ADGRG7: variants seen among roughly 807,000 people sequenced by gnomAD.
The protein encoded by ADGRG7 is adhesion G protein-coupled receptor G7.
In ADGRG7, 82 loss-of-function variants were observed where a neutral mutation model predicts 88.6. That is an observed-to-expected ratio of 0.93 (90% CI 0.77 to 1.11). ADGRG7 has a LOEUF of 1.11. ADGRG7 is among the 50% of genes most tolerant of loss of function. The probability of loss-of-function intolerance (pLI) is 0.00; values close to 1 mark genes in which losing one functional copy is unlikely to be tolerated. For missense variants in ADGRG7, 945 were observed against 953.4 expected (o/e 0.99, Z 0.12); for synonymous variants, 381 against 345.2 (o/e 1.10, Z -1.15).
intron 5 of ADGRG7, among the ~76,000 whole-genome samples, chr3:100,636,791 A>G (rs1707550360): frequency 6.6e-6 from 1 of 152,226 alleles, no homozygotes; most frequent in Non-Finnish European, 1.5e-5. Context: ...AACACTCCCA[A>G]AGAGGGAAGA....
chr3:100,689,705 C>T (rs2094989781), intron 15 of ADGRG7, among the ~76,000 whole-genome samples: 2 of 152,222 alleles, frequency 1.3e-5, no homozygotes, highest in Non-Finnish European at 2.9e-5. Context: ...TATTGGCCCC[C>T]ACTCTCTTCT....
At chr3:100,619,527 A>C (rs1707277276) in intron 1 of ADGRG7, among the ~76,000 whole-genome samples, 1 of 152,038 alleles carries the variant, frequency 6.6e-6, no homozygotes, top group African/African-American at 2.4e-5. Flanking sequence ...CACATTCAAA[A>C]GCTAGCAGAA....
chr3:100,673,483 A>G (rs1229556839), intron 15 of ADGRG7, among the ~76,000 whole-genome samples: 1 of 120,748 alleles, frequency 8.3e-6, no homozygotes, highest in African/African-American at 3.1e-5. Flanking sequence ...TTTTTTTTTG[A>G]CAGAGTCTCG....
intron 1 of ADGRG7, among the ~76,000 whole-genome samples, chr3:100,625,648 G>C (rs989990991): frequency 6.6e-6 from 1 of 152,142 alleles, no homozygotes; most frequent in Admixed American, 6.5e-5. Context: ...CATTCAGTAC[G>C]ATATTGGCTG....
At chr3:100,661,637 G>A (rs1361060833) in intron 14 of ADGRG7, among the ~76,000 whole-genome samples, 1 of 152,150 alleles carries the variant, frequency 6.6e-6, no homozygotes, top group Non-Finnish European at 1.5e-5. Flanking sequence ...ATGGAAATCA[G>A]TGGGAACTGC....
chr3:100,629,553 G>T (rs776018376), intron 1 of ADGRG7, 45 bp from the exon 2 acceptor site: 5 of 1,364,420 alleles, frequency 3.7e-6, no homozygotes, highest in South Asian at 1.2e-5. Flanking sequence ...AAGGAGAAAT[G>T]AATCAGCCAG....
intron 1 of ADGRG7, among the ~76,000 whole-genome samples, chr3:100,623,411 T>C (rs2149014244): frequency 6.6e-6 from 1 of 152,336 alleles, no homozygotes; most frequent in East Asian, 1.9e-4. Flanking sequence ...CCTTTTGTTC[T>C]ACTTCATTGA....
chr3:100,665,927 T>C (rs867629382), intron 14 of ADGRG7, among the ~76,000 whole-genome samples: 13 of 152,310 alleles, frequency 8.5e-5, no homozygotes, highest in South Asian at 8.3e-4. Context: ...AGTAGCTACA[T>C]AACAAATTGC....
chr3:100,687,541 G>A (rs2094984886), intron 15 of ADGRG7, among the ~76,000 whole-genome samples: 1 of 152,032 alleles, frequency 6.6e-6, no homozygotes, highest in Non-Finnish European at 1.5e-5. Context: ...ATTATTTTGA[G>A]ATACATCCCA....
chr3:100,687,968 G>A (rs574063880), intron 15 of ADGRG7, among the ~76,000 whole-genome samples: 10 of 152,170 alleles, frequency 6.6e-5, no homozygotes, highest in Non-Finnish European at 1.2e-4. Context: ...GCTCCTCCTT[G>A]TACCTCTGGT....
At chr3:100,647,977 T>G (rs1312661760) in intron 10 of ADGRG7, among the ~76,000 whole-genome samples, 1 of 152,202 alleles carries the variant, frequency 6.6e-6, no homozygotes, top group African/African-American at 2.4e-5. Flanking sequence ...TTTCTCATTT[T>G]AATTATAAAA....
chr3:100,653,970 A>G (rs1035582607), intron 11 of ADGRG7, among the ~76,000 whole-genome samples: 3 of 152,118 alleles, frequency 2.0e-5, no homozygotes, highest in African/African-American at 7.2e-5. Context: ...GGTGAAAAGG[A>G]CAGGGTTAAT....
chr3:100,682,044 T>C (rs2094974128), intron 15 of ADGRG7, among the ~76,000 whole-genome samples: 1 of 152,190 alleles, frequency 6.6e-6, no homozygotes, highest in Non-Finnish European at 1.5e-5. Context: ...GCAGCCCATC[T>C]GAAGTGGCCG....
chr3:100,670,982 T>G (rs557210144), intron 15 of ADGRG7, among the ~76,000 whole-genome samples: 21 of 152,238 alleles, frequency 1.4e-4, no homozygotes, highest in Non-Finnish European at 2.6e-4. Flanking sequence ...TCCAAGTCTT[T>G]GCTATTGTGA....
intron 15 of ADGRG7, among the ~76,000 whole-genome samples, chr3:100,686,499 A>G (rs1313937342): frequency 2.0e-5 from 3 of 152,116 alleles, no homozygotes; most frequent in Non-Finnish European, 4.4e-5. Flanking sequence ...TACGGTTTTT[A>G]TGGTTTTAGG....
intron 4 of ADGRG7, 57 bp from the exon 5 acceptor site, chr3:100,635,620 A>G: frequency 6.4e-7 from 1 of 1,573,122 alleles, no homozygotes; most frequent in Admixed American, 1.9e-5. Context: ...AGTTGCTTAC[A>G]AAGTGTTTGG....
chr3:100,621,728 T>C (rs1300308970), intron 1 of ADGRG7, among the ~76,000 whole-genome samples: 1 of 152,172 alleles, frequency 6.6e-6, no homozygotes, highest in East Asian at 1.9e-4. Flanking sequence ...AATAAGATAA[T>C]TGATGAAGAT....
At chr3:100,678,132 C>T (rs896979929) in intron 15 of ADGRG7, among the ~76,000 whole-genome samples, 2 of 151,898 alleles carry the variant, frequency 1.3e-5, no homozygotes, top group African/African-American at 4.8e-5. Context: ...TCTTCTGTCT[C>T]CTCTGACTGT....
chr3:100,637,694 A>G, intron 6 of ADGRG7: 2 of 330,484 alleles, frequency 6.1e-6, no homozygotes, highest in South Asian at 7.6e-5. Context: ...TGACCAAGGG[A>G]CAACTTCCAT....
Sources: allele counts gnomAD v4.1 joint callset (sites outside exome capture counted in the v4.1 genomes callset), GRCh38; gene constraint gnomAD v4.1.1; transcripts MANE v1.5; gene names NCBI Gene and HGNC (gene_info 2026-07-23, HGNC 2026-07-21).